SRBD1: variants seen among roughly 807,000 people sequenced by gnomAD.
The protein encoded by SRBD1 is S1 RNA-binding domain-containing protein 1.
In SRBD1, 88 loss-of-function variants were observed where a neutral mutation model predicts 115.3. The observed-to-expected ratio is 0.76, with a 90% CI of 0.64 to 0.91. SRBD1 has a LOEUF of 0.91. SRBD1 is among the 40% of genes least tolerant of loss of function. The pLI is 0.00. For synonymous variants in SRBD1, 509 were observed against 407.7 expected (o/e 1.25, Z -2.99); for missense variants, 1,385 against 1,177.4 (o/e 1.18, Z -2.58).
chr2:45,594,710 C>G (rs573710490), intron 4 of SRBD1, among the ~76,000 whole-genome samples: 12 of 152,276 alleles, frequency 7.9e-5, no homozygotes, highest in South Asian at 2.1e-4. Flanking sequence ...CTGCAGTAGG[C>G]CCCGATAGAC....
chr2:45,465,255 G>A (rs759773713), intron 16 of SRBD1, among the ~76,000 whole-genome samples: 5 of 152,026 alleles, frequency 3.3e-5, no homozygotes, highest in Admixed American at 6.6e-5. Flanking sequence ...AAACTGTATG[G>A]TTTAGGCAAC....
chr2:45,542,827 C>T (rs192323193), intron 14 of SRBD1, among the ~76,000 whole-genome samples: 4 of 152,264 alleles, frequency 2.6e-5, no homozygotes, highest in Non-Finnish European at 4.4e-5. Flanking sequence ...ATTGAATAAA[C>T]TAATTGTGAT....
At chr2:45,526,870 C>G (rs1158117520) in intron 14 of SRBD1, among the ~76,000 whole-genome samples, 2 of 151,688 alleles carry the variant, frequency 1.3e-5, no homozygotes, top group African/African-American at 2.4e-5. Context: ...GAATTATTAA[C>G]ACAAAACTCA....
chr2:45,610,246 C>T (rs1457182955), intron 1 of SRBD1, among the ~76,000 whole-genome samples: 1 of 151,996 alleles, frequency 6.6e-6, no homozygotes, highest in East Asian at 1.9e-4. Flanking sequence ...GGCAAAAGGA[C>T]GTGCACACTA....
At chr2:45,606,730 T>G (rs1482440485) in intron 1 of SRBD1, among the ~76,000 whole-genome samples, 1 of 152,214 alleles carries the variant, frequency 6.6e-6, no homozygotes, top group Non-Finnish European at 1.5e-5. Flanking sequence ...AAAATTACTT[T>G]AGCTGTTAAG....
Position 45,389,470 on chromosome 2 carries a change from G to C in SRBD1, c.2828C>G (p.Ser943Cys), listed in dbSNP as rs1255192211. The change falls in exon 21 of 21, where the codon TCT becomes TGT. Residue 943 changes from serine to cysteine, a missense_variant. Coordinates refer to ENST00000263736, the MANE Select transcript of SRBD1 (RefSeq NM_018079.5). ...GIFVDIGVGK[S>C]GLIPIRNVTE... is the part of the protein sequence containing the mutation. ...TACATTTCGTATGGGAATCAGCCCA[G>C]ATTTCCCCACTCCTATATCCACAAA... 1 of 1,614,068 alleles carries C rather than the reference G, an allele frequency of 6.2e-7. No homozygotes were observed. The highest frequency in any genetic ancestry group is 1.7e-5 in the Admixed American group (1 of 60,008).
chr2:45,439,967 T>C (rs1668611691), intron 16 of SRBD1, among the ~76,000 whole-genome samples: 1 of 152,142 alleles, frequency 6.6e-6, no homozygotes, highest in South Asian at 2.1e-4. Flanking sequence ...TGCAATCTGA[T>C]AGCAGATGTC....
chr2:45,439,360 C>CATATATAT (rs5830860), intron 16 of SRBD1, among the ~76,000 whole-genome samples: 12 of 144,468 alleles, frequency 8.3e-5, no homozygotes, highest in African/African-American at 2.8e-4. Context: ...TATTCTAGGA[C>CATATATAT]ATATATATAT....
chr2:45,515,520 A>C (rs980349061), intron 14 of SRBD1, among the ~76,000 whole-genome samples: 1 of 152,134 alleles, frequency 6.6e-6, no homozygotes, highest in Non-Finnish European at 1.5e-5. Context: ...AAGATTCAAA[A>C]ACTTGCCCAA....
chr2:45,539,138 T>C (rs1454416701), intron 14 of SRBD1, among the ~76,000 whole-genome samples: 1 of 151,784 alleles, frequency 6.6e-6, no homozygotes, highest in African/African-American at 2.4e-5. Flanking sequence ...ACAAAACCAA[T>C]ATGAGAAATG....
intron 12 of SRBD1, among the ~76,000 whole-genome samples, chr2:45,549,469 C>CA (rs1337054954): frequency 6.7e-6 from 1 of 150,224 alleles, no homozygotes; most frequent in African/African-American, 2.4e-5. Flanking sequence ...TTTTTTTAAG[C>CA]AAAAAAATTT....
chr2:45,471,280 C>T (rs181029908), intron 16 of SRBD1, among the ~76,000 whole-genome samples: 777 of 152,202 alleles, frequency 5.1e-3, no homozygotes, highest in Middle Eastern at 0.01. Flanking sequence ...AATGTAAACA[C>T]ATGCCTACAT....
intron 15 of SRBD1, among the ~76,000 whole-genome samples, chr2:45,484,574 G>T (rs1670058719): frequency 6.6e-6 from 1 of 152,106 alleles, no homozygotes; most frequent in African/African-American, 2.4e-5. Context: ...AATTGTTATT[G>T]TTATTTTATT....
chr2:45,526,471 G>C (rs1671445829), intron 14 of SRBD1, among the ~76,000 whole-genome samples: 1 of 151,878 alleles, frequency 6.6e-6, no homozygotes, highest in Non-Finnish European at 1.5e-5. Context: ...ATGCGGTGAT[G>C]GGAGAGAAGG....
intron 14 of SRBD1, among the ~76,000 whole-genome samples, chr2:45,520,238 G>A (rs1671241162): frequency 6.6e-6 from 1 of 152,196 alleles, no homozygotes; most frequent in Non-Finnish European, 1.5e-5. Flanking sequence ...GCTGTTACTG[G>A]GTCAAGTCAA....
chr2:45,580,808 C>G (rs905471180), intron 6 of SRBD1, among the ~76,000 whole-genome samples: 1 of 151,156 alleles, frequency 6.6e-6, no homozygotes, highest in South Asian at 2.1e-4. Context: ...CCTCAGCCAC[C>G]TGAGTAGCTG....
intron 1 of SRBD1, among the ~76,000 whole-genome samples, chr2:45,608,803 C>A (rs1173377251): frequency 6.6e-6 from 1 of 151,600 alleles, no homozygotes; most frequent in East Asian, 1.9e-4. Context: ...TTTGCTAAGC[C>A]AGAACCTTGA....
At chr2:45,559,085 C>T (rs1238895787) in intron 10 of SRBD1, among the ~76,000 whole-genome samples, 1 of 152,144 alleles carries the variant, frequency 6.6e-6, no homozygotes, top group Non-Finnish European at 1.5e-5. Context: ...CCCCTGTCTA[C>T]CTCCTAAATA....
rs1420269763 is a variant in SRBD1 at position 45,597,399 on chromosome 2, G to A, written c.648+2050C>T. On this transcript the variant is annotated intron_variant, in intron 4 of 20. Transcript: ENST00000263736. ...CGCGCCACTGTACTTCAGCCTGGGC[G>A]ACAGAGTGAGACTCTGTCTCACAAA... Among the ~76,000 whole-genome samples, 19 of 149,066 alleles carry A rather than the reference G, an allele frequency of 1.3e-4. No homozygotes were observed. The South Asian group carries it at 3.4e-3, about 27-fold the overall frequency.
Sources: allele counts gnomAD v4.1 joint callset (sites outside exome capture counted in the v4.1 genomes callset), GRCh38; gene constraint gnomAD v4.1.1; transcripts MANE v1.5; gene names NCBI Gene and HGNC (gene_info 2026-07-23, HGNC 2026-07-21).